HOMER1: variants seen among roughly 807,000 people sequenced by gnomAD.
HOMER1 encodes the protein homer scaffold protein 1.
HOMER1 carries 3 observed loss-of-function variants against 48.9 expected under a neutral mutation model. That is an observed-to-expected ratio of 0.06 (90% CI 0.03 to 0.16). HOMER1 has a LOEUF of 0.16. Ranked by LOEUF, HOMER1 falls within the 10% of genes least tolerant of loss-of-function variation. HOMER1 has a pLI of 1.00. For missense variants in HOMER1, 247 were observed against 411.4 expected (o/e 0.60, Z 3.46); for synonymous variants, 134 against 146.4 (o/e 0.92, Z 0.61).
chr5:79,443,444 G>GT (rs1750793872), intron 4 of HOMER1, among the ~76,000 whole-genome samples: 1 of 152,162 alleles, frequency 6.6e-6, no homozygotes, highest in South Asian at 2.1e-4. Flanking sequence ...ACCGATCTGA[G>GT]TTTTAGCAAG....
intron 1 of HOMER1, among the ~76,000 whole-genome samples, chr5:79,505,849 A>C (rs1337846618): frequency 6.6e-6 from 1 of 152,194 alleles, no homozygotes; most frequent in African/African-American, 2.4e-5. Flanking sequence ...TAATAGAAAA[A>C]AACATAAATA....
rs545921988 is a variant in HOMER1, at chr5:79,475,926, T to C, written c.6-18908A>G. Among the ~76,000 whole-genome samples, 28 of 152,336 alleles carry C rather than the reference T, an allele frequency of 1.8e-4. 1 individual carries two copies. The highest frequency in any genetic ancestry group is 1.5e-3 in the Admixed American group (23 of 15,300). ...AAGTGCTTAACAGCAATCATAATTA[T>C]GTTGCTTGTACTATCCCACTGTCAA... On this transcript the variant is annotated intron_variant, in intron 1 of 8. Transcript: ENST00000334082.
intron 4 of HOMER1, among the ~76,000 whole-genome samples, chr5:79,442,772 C>A (rs1455428241): frequency 2.6e-5 from 4 of 152,098 alleles, no homozygotes; most frequent in African/African-American, 9.7e-5. Flanking sequence ...TGGGGAGGAG[C>A]TAATAGTCTT....
chr5:79,483,568 C>G (rs1054637597), intron 1 of HOMER1, among the ~76,000 whole-genome samples: 5 of 151,408 alleles, frequency 3.3e-5, no homozygotes, highest in African/African-American at 1.2e-4. Flanking sequence ...CTGAAAGAAT[C>G]CATCATTAGT....
At chr5:79,385,505 A>C (rs1008185077) in intron 8 of HOMER1, among the ~76,000 whole-genome samples, 2 of 152,184 alleles carry the variant, frequency 1.3e-5, no homozygotes, top group Non-Finnish European at 2.9e-5. Context: ...AAAATGCTCA[A>C]TATCACTAAT....
rs562728015 is a variant in HOMER1 at position 79,506,996 on chromosome 5, G to A, written c.5+5774C>T. The stretch of plus-strand genomic sequence containing the variant: ...TGGGAGGCCGAGGCAGGCAGATCAC[G>A]AGGTCAGGAGTTCGAAACCAGCCTG... On this transcript the variant is annotated intron_variant, in intron 1 of 8. Transcript: ENST00000334082. 7.0e-4 allele frequency among the ~76,000 whole-genome samples: 107 copies of A among 151,918 alleles called. 1 individual carries two copies. The highest frequency in any genetic ancestry group is 1.2e-3 in the Admixed American group (18 of 15,246).
At chr5:79,379,171 TTA>T (rs1415041295) in intron 8 of HOMER1, among the ~76,000 whole-genome samples, 48 of 107,216 alleles carry the variant, frequency 4.5e-4, no homozygotes, top group African/African-American at 1.6e-3. Context: ...TATTTATATA[TTA>T]TATATATTTT....
intron 5 of HOMER1, among the ~76,000 whole-genome samples, chr5:79,415,513 A>G (rs1749919921): frequency 6.6e-6 from 1 of 152,242 alleles, no homozygotes; most frequent in Non-Finnish European, 1.5e-5. Context: ...TTTATTTTAC[A>G]TATATTACAT....
intron 1 of HOMER1, among the ~76,000 whole-genome samples, chr5:79,472,349 T>C (rs1360145497): frequency 6.6e-6 from 1 of 152,238 alleles, no homozygotes; most frequent in African/African-American, 2.4e-5. Flanking sequence ...TTGCTTGCTT[T>C]TAAATACACA....
At chr5:79,436,082 C>G (rs913771465) in intron 5 of HOMER1, among the ~76,000 whole-genome samples, 2 of 150,632 alleles carry the variant, frequency 1.3e-5, no homozygotes, top group Non-Finnish European at 3.0e-5. Flanking sequence ...GCCGAGATTG[C>G]GCCACTGCAG....
At chr5:79,490,557 A>G (rs1752239657) in intron 1 of HOMER1, among the ~76,000 whole-genome samples, 2 of 152,152 alleles carry the variant, frequency 1.3e-5, no homozygotes, top group Admixed American at 1.3e-4. Flanking sequence ...TTGCTTACTG[A>G]GAAGTAATAT....
At chr5:79,421,627 A>C (rs938365466) in intron 5 of HOMER1, among the ~76,000 whole-genome samples, 4 of 151,508 alleles carry the variant, frequency 2.6e-5, no homozygotes, top group Non-Finnish European at 4.4e-5. Flanking sequence ...TTTTTTGAGA[A>C]GGGGCCTTGC....
chr5:79,390,339 T>C (rs1244147873), intron 8 of HOMER1, among the ~76,000 whole-genome samples: 2 of 151,786 alleles, frequency 1.3e-5, no homozygotes, highest in Admixed American at 6.6e-5. Flanking sequence ...AACCAGACAG[T>C]ATACGTTTAA....
At chr5:79,401,830 A>G (rs1749543391) in intron 6 of HOMER1, 69 bp downstream of exon 6, 1 of 1,465,248 alleles carries the variant, frequency 6.8e-7, no homozygotes, top group East Asian at 2.3e-5. Flanking sequence ...CTGAATCTAC[A>G]TGCAAATTTC....
At chr5:79,376,951 G>A (rs1290849269) in intron 8 of HOMER1, among the ~76,000 whole-genome samples, 1 of 152,060 alleles carries the variant, frequency 6.6e-6, no homozygotes, top group Non-Finnish European at 1.5e-5. Flanking sequence ...AGTTATTACT[G>A]CTTTTGTTTT....
chr5:79,467,391 CAAAAAAAAAAAA>C (rs71767032), intron 1 of HOMER1, among the ~76,000 whole-genome samples: 9 of 51,636 alleles, frequency 1.7e-4, no homozygotes, highest in African/African-American at 2.9e-4. Context: ...AACTCCATCT[CAAAAAAAAAAAA>C]AAAAAAAAAA....
intron 1 of HOMER1, among the ~76,000 whole-genome samples, chr5:79,459,896 C>G (rs977489883): frequency 6.6e-6 from 1 of 151,896 alleles, no homozygotes; most frequent in African/African-American, 2.4e-5. Context: ...AGTTTGAGTG[C>G]CTTTGAAGAA....
intron 5 of HOMER1, among the ~76,000 whole-genome samples, chr5:79,411,415 G>A (rs1055736510): frequency 6.6e-5 from 10 of 152,106 alleles, no homozygotes; most frequent in African/African-American, 2.4e-4. Context: ...AACCCAAGAG[G>A]TCATGGCTGC....
At chr5:79,381,505 T>C (rs540401735) in intron 8 of HOMER1, among the ~76,000 whole-genome samples, 7 of 152,226 alleles carry the variant, frequency 4.6e-5, no homozygotes, top group African/African-American at 1.7e-4. Flanking sequence ...TACATCCCAA[T>C]CAAAACGAAA....
Sources: gnomAD v4.1 joint callset for allele counts (sites outside exome capture counted in the v4.1 genomes callset) on GRCh38, gnomAD v4.1.1 for gene constraint, MANE v1.5 for transcripts, NCBI Gene and HGNC (gene_info 2026-07-23, HGNC 2026-07-21) for gene names.